NTN1: variants seen among roughly 807,000 people sequenced by gnomAD.
NTN1 encodes the protein netrin-1.
NTN1 carries 11 observed loss-of-function variants against 54.2 expected under a neutral mutation model. The ratio of observed to expected loss-of-function variants is 0.20; its 90% CI spans 0.13 to 0.34. The LOEUF (loss-of-function observed/expected upper bound fraction) is 0.34, where lower values mean the gene tolerates loss of function less well. Ranked by LOEUF, NTN1 falls within the 10% of genes least tolerant of loss-of-function variation. The probability of loss-of-function intolerance (pLI) is 1.00; values close to 1 mark genes in which losing one functional copy is unlikely to be tolerated. For synonymous variants in NTN1, 371 were observed against 382.0 expected, an observed-to-expected ratio of 0.97 and a Z score of 0.33; for missense variants, 740 against 893.1, an observed-to-expected ratio of 0.83 and a Z score of 2.18.
intron 2 of NTN1, among the ~76,000 whole-genome samples, chr17:9,151,458 G>A (rs926002526): frequency 1.3e-5 from 2 of 152,130 alleles, no homozygotes; most frequent in African/African-American, 4.8e-5. Flanking sequence ...GTGACTCCGG[G>A]CACTGAGGTT....
At chr17:9,225,352 G>C (rs1905499714) in intron 6 of NTN1, among the ~76,000 whole-genome samples, 1 of 152,152 alleles carries the variant, frequency 6.6e-6, no homozygotes, top group East Asian at 1.9e-4. Flanking sequence ...GTCTGGAAAG[G>C]GATTTCACGG....
intron 5 of NTN1, among the ~76,000 whole-genome samples, chr17:9,210,446 A>C (rs745945524): frequency 3.1e-3 from 72 of 22,868 alleles, no homozygotes; most frequent in East Asian, 0.013. Context: ...CCCCACACCC[A>C]CACACACACA....
intron 2 of NTN1, among the ~76,000 whole-genome samples, chr17:9,114,569 A>G (rs1173487512): frequency 1.3e-5 from 2 of 152,206 alleles, no homozygotes; most frequent in East Asian, 1.9e-4. Flanking sequence ...CCTGGCCAAC[A>G]TAGTGAAACC....
At chr17:9,131,829 A>G (rs1049734916) in intron 2 of NTN1, among the ~76,000 whole-genome samples, 6 of 151,438 alleles carry the variant, frequency 4.0e-5, no homozygotes, top group Non-Finnish European at 8.8e-5. Context: ...TTTAAGACGG[A>G]GTCTTGCTCT....
At chr17:9,216,181 C>T (rs1244987305) in intron 5 of NTN1, among the ~76,000 whole-genome samples, 6 of 152,218 alleles carry the variant, frequency 3.9e-5, no homozygotes, top group Non-Finnish European at 8.8e-5. Flanking sequence ...TGGTCTTGAA[C>T]TCCTAGCCTC....
At chr17:9,151,014 G>A (rs1309264928) in intron 2 of NTN1, among the ~76,000 whole-genome samples, 3 of 152,080 alleles carry the variant, frequency 2.0e-5, no homozygotes, top group East Asian at 3.9e-4. Context: ...TCTGTTTGCC[G>A]CCAGCCTCTT....
At chr17:9,170,112 C>T (rs967958319) in intron 3 of NTN1, among the ~76,000 whole-genome samples, 2 of 152,120 alleles carry the variant, frequency 1.3e-5, no homozygotes, top group Non-Finnish European at 2.9e-5. Context: ...CTTTGAAAAG[C>T]ATGGAACTTG....
chr17:9,069,997 T>C (rs2092027292), intron 2 of NTN1, among the ~76,000 whole-genome samples: 1 of 152,142 alleles, frequency 6.6e-6, no homozygotes. Context: ...TCTGGTAATG[T>C]TCCCCAGCAC....
rs185720473 is a variant in NTN1 at position 9,233,009 on chromosome 17, C to T, written c.1487-6631C>T. On this transcript the variant is annotated intron_variant, in intron 6 of 6. Coordinates refer to ENST00000173229, the MANE Select transcript of NTN1 (RefSeq NM_004822.3). ...CCTCATTTGTCCTGGCCGCTGTCTC[C>T]GAGGCAGATGGGTGACAAGCCTCCC... 5.9e-5 allele frequency among the ~76,000 whole-genome samples: 9 copies of T among 152,158 alleles called. No homozygotes were observed. In the East Asian group the frequency reaches 7.7e-4, roughly 13 times the overall value.
chr17:9,077,952 G>A, intron 2 of NTN1, among the ~76,000 whole-genome samples: 1 of 152,238 alleles, frequency 6.6e-6, no homozygotes, highest in South Asian at 2.1e-4. Context: ...TGCCTTAACA[G>A]GTTTAATTAT....
chr17:9,086,042 A>G lies in NTN1; in HGVS notation c.1018+62651A>G, dbSNP rs115513282. 6.6e-3 allele frequency among the ~76,000 whole-genome samples: 1,007 copies of G among 152,308 alleles called. 12 individuals are homozygous for G. Among genetic ancestry groups the G allele is most frequent in the African/African-American group, 0.023 (963 of 41,554 alleles). On this transcript the variant is annotated intron_variant, in intron 2 of 6. Transcript: ENST00000173229. ...CTAAGTGAGATTCGTTTCTGCCCCAATTGATAATTTATGAAAGCAACTTCA... is the reference window on the plus strand; with the variant it reads ...CTAAGTGAGATTCGTTTCTGCCCCAGTTGATAATTTATGAAAGCAACTTCA...
At chr17:9,007,549 CCTTT>C in the NTN1 span, among the ~76,000 whole-genome samples, 4 of 146,696 alleles carry the variant, frequency 2.7e-5, no homozygotes, top group African/African-American at 5.0e-5. Flanking sequence ...TTCCTTCCTT[CCTTT>C]CTTTTCTTTT....
At chr17:9,021,611 G>T in intron 1 of NTN1, 26 bp downstream of exon 1, 1 of 151,762 alleles carries the variant, frequency 6.6e-6, no homozygotes, top group South Asian at 1.8e-4. Context: ...CCCCGGGCGC[G>T]GGCAGGGCAG....
At position 9,135,103 on chromosome 17, in the gene NTN1, G is replaced by A. The variant is rs909218264; in HGVS notation, c.1019-27710G>A. ...GTGTCCCCATCCACACCGAGGGCCC[G>A]GTAAGGCACATTGTCCCCCAGCCCC... On this transcript the variant is annotated intron_variant, in intron 2 of 6. Coordinates refer to ENST00000173229, the MANE Select transcript of NTN1 (RefSeq NM_004822.3). This position sits in a 1 kb window ranked among gnomAD's most constrained non-coding sequence, Gnocchi z 4.4. Among the ~76,000 whole-genome samples the A allele has an allele frequency of 7.9e-5, 12 of 152,022 alleles. No homozygotes were observed. Among genetic ancestry groups the A allele is most frequent in the African/African-American group, 2.4e-4 (10 of 41,362 alleles).
At chr17:9,179,351 C>T (rs963633571) in intron 3 of NTN1, among the ~76,000 whole-genome samples, 2 of 152,188 alleles carry the variant, frequency 1.3e-5, no homozygotes, top group Non-Finnish European at 2.9e-5. Context: ...TCAAACCCCA[C>T]TCCTCCCATG....
chr17:9,155,794 G>A (rs935627484), intron 2 of NTN1, among the ~76,000 whole-genome samples: 1 of 152,162 alleles, frequency 6.6e-6, no homozygotes, highest in Non-Finnish European at 1.5e-5. Context: ...CATTTGGCAG[G>A]CTCTGTTTGG....
chr17:9,127,537 G>A (rs537211486), intron 2 of NTN1, among the ~76,000 whole-genome samples: 1 of 152,068 alleles, frequency 6.6e-6, no homozygotes, highest in Admixed American at 6.5e-5. Flanking sequence ...GACGGTTGGA[G>A]TGGTGGCAGG....
rs568866874 is a variant in NTN1 at position 9,099,142 on chromosome 17, G to T, written c.1019-63671G>T. Reference sequence around the variant, plus strand: ...TCATTGGCCGGGCGCAGTGGCGCACGCTTGTGATCCCAGCACTTTGGGAGG... The same window carrying T: ...TCATTGGCCGGGCGCAGTGGCGCACTCTTGTGATCCCAGCACTTTGGGAGG... On this transcript the variant is annotated intron_variant, in intron 2 of 6. Transcript: ENST00000173229. Among the ~76,000 whole-genome samples the T allele has an allele frequency of 3.3e-5, 5 of 152,244 alleles. No individual in the cohort carries two copies. The South Asian group carries it at 6.2e-4, about 19-fold the overall frequency.
intron 5 of NTN1, among the ~76,000 whole-genome samples, chr17:9,203,950 TC>T (rs1199062444): frequency 6.6e-6 from 1 of 152,202 alleles, no homozygotes; most frequent in East Asian, 1.9e-4. Flanking sequence ...AGGGGCTCCT[TC>T]TTCAAAAGTT....
Sources: gnomAD v4.1 joint callset for allele counts (sites outside exome capture counted in the v4.1 genomes callset) on GRCh38, gnomAD v4.1.1 for gene constraint, Gnocchi (gnomAD v3.1) non-coding constraint, MANE v1.5 for transcripts, NCBI Gene and HGNC (gene_info 2026-07-23, HGNC 2026-07-21) for gene names.